HS3ST3A1: variants seen among roughly 807,000 people sequenced by gnomAD.
The protein encoded by HS3ST3A1 is heparan sulfate glucosamine 3-O-sulfotransferase 3A1.
A neutral mutation model predicts 25.7 loss-of-function variants in HS3ST3A1; 19 were observed. That is an observed-to-expected ratio of 0.74 (90% CI 0.52 to 1.08). The LOEUF (loss-of-function observed/expected upper bound fraction) is 1.08. Among genes scored for constraint, HS3ST3A1 ranks in the 50% least tolerant of loss-of-function variants. The probability of loss-of-function intolerance (pLI) is 0.00; values close to 1 mark genes in which losing one functional copy is unlikely to be tolerated. For synonymous variants in HS3ST3A1, 226 were observed against 278.6 expected, an observed-to-expected ratio of 0.81 and a Z score of 1.88; for missense variants, 459 against 594.3, an observed-to-expected ratio of 0.77 and a Z score of 2.37.
At chr17:13,576,977 A>T (rs181889151) in intron 1 of HS3ST3A1, among the ~76,000 whole-genome samples, 2 of 152,362 alleles carry the variant, frequency 1.3e-5, no homozygotes, top group Non-Finnish European at 2.9e-5. Context: ...TAATGGACTT[A>T]CAGTTCCACA....
rs58718148 is a variant in HS3ST3A1 at position 13,601,926 on chromosome 17, TG to T, written c.-798del. On this transcript the variant is annotated 5_prime_UTR_variant, in exon 1 of 2. Coordinates refer to ENST00000284110, the MANE Select transcript of HS3ST3A1 (RefSeq NM_006042.3). ...CACCGGCTGCCTCCTGGGCCGCCGC[TG>T]GCCGCCGCCACACGTGGGACGCCGA... 151,369 of 152,852 alleles carry T rather than the reference TG, an allele frequency of 0.99. 74,959 individuals carry two copies. Among genetic ancestry groups the T allele is most frequent in the East Asian group, 1 (5,144 of 5,144 alleles). The allele number at this position is 152,852 out of a possible 1,614,324, so 9.5% of individuals were successfully genotyped here.
At chr17:13,559,493 T>C (rs1265538459) in intron 1 of HS3ST3A1, among the ~76,000 whole-genome samples, 2 of 149,284 alleles carry the variant, frequency 1.3e-5, no homozygotes, top group Non-Finnish European at 3.0e-5. Flanking sequence ...AAAATTTAAT[T>C]ATATAACATA....
Position 13,601,436 on chromosome 17 carries a change from G to C in HS3ST3A1, c.-307C>G. The C allele has an allele frequency of 3.3e-6, 1 of 305,746 alleles. No homozygotes were observed. Among genetic ancestry groups the C allele is most frequent in the Non-Finnish European group, 6.0e-6 (1 of 167,724 alleles). The allele number at this position is 305,746 out of a possible 1,614,324, so 18.9% of individuals were successfully genotyped here. On this transcript the variant is annotated 5_prime_UTR_variant, in exon 1 of 2. Transcript: ENST00000284110. ...AGCTTGGGGCAGCCTTGGCCCCTCG[G>C]TTCCCCGCAAGAGTCGCCGGAATCG...
In HS3ST3A1 at chr17:13,601,361, A is replaced by G; in HGVS notation, c.-232T>C. The G allele has an allele frequency of 4.1e-6, 2 of 484,984 alleles. No individual in the cohort carries two copies. The highest frequency in any genetic ancestry group is 6.8e-5 in the South Asian group (2 of 29,284). 30.0% of individuals were successfully genotyped at this position (484,984 alleles called of 1,614,324 possible). On this transcript the variant is annotated 5_prime_UTR_variant, in exon 1 of 2. Transcript: ENST00000284110. ...TCCAGTCGAGGGAGCGGGAAGGGGA[A>G]CGCGGGTCCGTGCTTAAGAAACCAT...
chr17:13,499,725 TAATCTC>T (rs1905403396), intron 1 of HS3ST3A1, among the ~76,000 whole-genome samples: 1 of 152,090 alleles, frequency 6.6e-6, no homozygotes, highest in Non-Finnish European at 1.5e-5. Context: ...ATATTTTAAA[TAATCTC>T]AATAGAGTAG....
At chr17:13,526,039 C>T (rs1309234185) in intron 1 of HS3ST3A1, among the ~76,000 whole-genome samples, 2 of 151,972 alleles carry the variant, frequency 1.3e-5, no homozygotes, top group East Asian at 3.9e-4. Flanking sequence ...GATATCAGTC[C>T]TCCAGGCACC....
intron 1 of HS3ST3A1, among the ~76,000 whole-genome samples, chr17:13,497,584 G>T (rs935029573): frequency 6.6e-6 from 1 of 152,184 alleles, no homozygotes; most frequent in African/African-American, 2.4e-5. Flanking sequence ...CAAAAATCCA[G>T]TTGGAGTCTT....
In HS3ST3A1 at chr17:13,590,326, T is replaced by TAAA. The variant is rs59735905; in HGVS notation, c.599+10202_599+10204dup. 0.015 allele frequency among the ~76,000 whole-genome samples: 2,240 copies of TAAA among 147,542 alleles called. 110 individuals are homozygous for TAAA. The East Asian group carries it at 0.17, about 11-fold the overall frequency. On this transcript the variant is annotated intron_variant, in intron 1 of 1. Transcript: ENST00000284110. Reference sequence around the variant, plus strand: ...CTTTAATTTAATAGCTCTGTGAGGTTAAAAAAAAAAAAAAAAACTATGCTA... The same window carrying TAAA: ...CTTTAATTTAATAGCTCTGTGAGGTTAAAAAAAAAAAAAAAAAAAACTATGCTA...
chr17:13,576,692 C>G (rs907481254), intron 1 of HS3ST3A1, among the ~76,000 whole-genome samples: 13 of 152,148 alleles, frequency 8.5e-5, no homozygotes, highest in Admixed American at 2.6e-4. Context: ...TTAATAACAC[C>G]TAACATCTGA....
intron 1 of HS3ST3A1, among the ~76,000 whole-genome samples, chr17:13,508,963 ATTT>A (rs111659579): frequency 7.7e-5 from 11 of 143,476 alleles, no homozygotes; most frequent in African/African-American, 2.5e-4. Flanking sequence ...CATCTCTTTA[ATTT>A]TTTTTTTTTT....
chr17:13,560,988 G>A (rs1302747022), intron 1 of HS3ST3A1, among the ~76,000 whole-genome samples: 4 of 152,174 alleles, frequency 2.6e-5, no homozygotes, highest in African/African-American at 9.7e-5. Context: ...TCCAGTAAGA[G>A]ACCAGAAACA....
chr17:13,553,033 G>A (rs1420580654), intron 1 of HS3ST3A1, among the ~76,000 whole-genome samples: 1 of 152,160 alleles, frequency 6.6e-6, no homozygotes, highest in Non-Finnish European at 1.5e-5. Flanking sequence ...GGTCTTTCTA[G>A]GACCATGTTA....
Position 13,590,970 on chromosome 17 carries a change from C to T in HS3ST3A1, c.599+9561G>A, listed in dbSNP as rs191383617. 1.5e-3 allele frequency among the ~76,000 whole-genome samples: 230 copies of T among 152,042 alleles called. 1 individual carries two copies. Among genetic ancestry groups the T allele is most frequent in the Non-Finnish European group, 2.7e-3 (185 of 67,992 alleles). On this transcript the variant is annotated intron_variant, in intron 1 of 1. Transcript: ENST00000284110. The stretch of plus-strand genomic sequence containing the variant: ...TAGCTCGGTGACACTAGCCACGGCA[C>T]GCAGGCCTCAGCTCTCCTTGCTCCA...
At chr17:13,540,473 T>C (rs532934212) in intron 1 of HS3ST3A1, among the ~76,000 whole-genome samples, 8 of 152,364 alleles carry the variant, frequency 5.3e-5, no homozygotes, top group African/African-American at 1.9e-4. Flanking sequence ...ATTGTATGAT[T>C]TGATGGACTA....
intron 1 of HS3ST3A1, among the ~76,000 whole-genome samples, chr17:13,554,313 G>A (rs977267311): frequency 6.6e-6 from 1 of 152,166 alleles, no homozygotes; most frequent in African/African-American, 2.4e-5. Flanking sequence ...AATTCACAGC[G>A]CTCAGGAGGT....
intron 1 of HS3ST3A1, among the ~76,000 whole-genome samples, chr17:13,591,853 T>C (rs889233460): frequency 1.1e-4 from 17 of 152,158 alleles, no homozygotes; most frequent in Admixed American, 5.2e-4. Flanking sequence ...AGAGATGCGA[T>C]TTCACCATGT....
intron 1 of HS3ST3A1, among the ~76,000 whole-genome samples, chr17:13,579,070 C>T (rs1458880366): frequency 6.6e-6 from 1 of 151,926 alleles, no homozygotes; most frequent in Non-Finnish European, 1.5e-5. Flanking sequence ...AAAAAGAAAG[C>T]CATTCATATA....
intron 1 of HS3ST3A1, among the ~76,000 whole-genome samples, chr17:13,534,855 G>A (rs898217110): frequency 1.2e-4 from 18 of 151,916 alleles, no homozygotes; most frequent in Admixed American, 3.3e-4. Flanking sequence ...GAGAAACCAC[G>A]TCTCTACTAA....
At chr17:13,501,549 C>T (rs192665871) in intron 1 of HS3ST3A1, among the ~76,000 whole-genome samples, 152 of 152,230 alleles carry the variant, frequency 1.0e-3, no homozygotes, top group Admixed American at 3.1e-3. Flanking sequence ...GATTTTTGTG[C>T]AGCTGATCTC....
Sources: allele counts gnomAD v4.1 joint callset (sites outside exome capture counted in the v4.1 genomes callset), GRCh38; gene constraint gnomAD v4.1.1; transcripts MANE v1.5; gene names NCBI Gene and HGNC (gene_info 2026-07-23, HGNC 2026-07-21).